The following SLC5A8 variants were observed in gnomAD, a reference collection of about 807,000 sequenced individuals.
SLC5A8 encodes sodium-coupled monocarboxylate transporter 1.
Under a neutral mutation model 71.9 loss-of-function variants are expected in SLC5A8, and 55 were observed. That is an observed-to-expected ratio of 0.77 (90% confidence interval 0.62 to 0.96). The LOEUF (loss-of-function observed/expected upper bound fraction) is 0.96, where lower values mean the gene tolerates loss of function less well. Among genes scored for constraint, SLC5A8 ranks in the 40% least tolerant of loss-of-function variants. The pLI is 0.00. For synonymous variants in SLC5A8, 307 were observed against 276.1 expected (o/e 1.11, Z -1.11); for missense variants, 701 against 745.3 (o/e 0.94, Z 0.69).
chr12:101,204,862 T>C (rs1180080947), intron 1 of SLC5A8, among the ~76,000 whole-genome samples: 1 of 152,176 alleles, frequency 6.6e-6, no homozygotes, highest in African/African-American at 2.4e-5. Context: ...TCAAGCCCTC[T>C]TCTCCCCCGC....
At chr12:101,157,498 C>T (rs1214629875) in intron 14 of SLC5A8, 97 bp from the exon 15 acceptor site, 19 of 1,401,904 alleles carry the variant, frequency 1.4e-5, no homozygotes, top group Non-Finnish European at 1.8e-5. Flanking sequence ...TATTTCTCTG[C>T]ATCAGCTTTC....
rs748123105 is a variant in SLC5A8, at chr12:101,157,276, G to A, written c.*3C>T. On this transcript the variant is annotated 3_prime_UTR_variant, in exon 15 of 15. Coordinates refer to ENST00000536262, the MANE Select transcript of SLC5A8 (RefSeq NM_145913.5). ...TTTAAGGATATCTAGTATCAGAGCAGCTTCACAAACGAGTCCCATTGCTCT... is the reference window on the plus strand; with the variant it reads ...TTTAAGGATATCTAGTATCAGAGCAACTTCACAAACGAGTCCCATTGCTCT... 2 of 1,611,614 alleles carry A rather than the reference G, an allele frequency of 1.2e-6. No homozygotes were observed. The highest frequency in any genetic ancestry group is 8.5e-7 in the Non-Finnish European group (1 of 1,178,924).
chr12:101,180,241 A>G (rs1382477971), intron 9 of SLC5A8, 145 bp from the exon 10 acceptor site: 1 of 807,556 alleles, frequency 1.2e-6, no homozygotes, highest in East Asian at 2.6e-5. Context: ...CAGTGAATAA[A>G]GGAAATGGCT....
At chr12:101,166,751 T>C (rs1305748369) in intron 11 of SLC5A8, 52 bp from the exon 12 acceptor site, 3 of 1,475,050 alleles carry the variant, frequency 2.0e-6, no homozygotes, top group South Asian at 2.7e-5. Flanking sequence ...TGCTTTGATG[T>C]CAAAATTAAT....
intron 1 of SLC5A8, among the ~76,000 whole-genome samples, chr12:101,206,978 T>C (rs2137173871): frequency 1.3e-5 from 2 of 152,354 alleles, no homozygotes; most frequent in Middle Eastern, 3.4e-3. Context: ...GATTTCATAC[T>C]TGAGCAAGAA....
At chr12:101,158,951 CAAAAAAA>C (rs34838052) in intron 13 of SLC5A8, among the ~76,000 whole-genome samples, 4 of 116,666 alleles carry the variant, frequency 3.4e-5, no homozygotes, top group Admixed American at 1.8e-4. Context: ...GTTTTCTTTA[CAAAAAAA>C]AAAAAAAAAA....
intron 12 of SLC5A8, 32 bp downstream of exon 12, chr12:101,166,462 A>G (rs780747080): frequency 1.3e-6 from 2 of 1,565,146 alleles, no homozygotes. Context: ...TAAATTTTTT[A>G]AAGTATAATG....
Position 101,156,563 on chromosome 12 carries a change from A to C in SLC5A8, c.*716T>G, listed in dbSNP as rs1276708502. 6.6e-6 allele frequency: 1 copy of C among 152,216 alleles called. No individual in the cohort carries two copies. The highest frequency in any genetic ancestry group is 1.5e-5 in the Non-Finnish European group (1 of 68,044). The allele number at this position is 152,216 out of a possible 1,614,324, so 9.4% of individuals were successfully genotyped here. A position where few individuals can be genotyped will look rare whatever the true frequency, so the allele number is the denominator to read the frequency against. On this transcript the variant is annotated 3_prime_UTR_variant, in exon 15 of 15. Coordinates refer to ENST00000536262, the MANE Select transcript of SLC5A8 (RefSeq NM_145913.5). ...CAAGTTGATAGGTCAGAAACTGGGC[A>C]TGCAGATAAAAATTACAGTCTAAGA... is the stretch of plus-strand genomic sequence containing the variant.
chr12:101,170,095 C>G (rs1394332680), intron 10 of SLC5A8, among the ~76,000 whole-genome samples: 1 of 152,180 alleles, frequency 6.6e-6, no homozygotes, highest in Non-Finnish European at 1.5e-5. Context: ...AGGGAGAAGT[C>G]TATGCCAAGG....
rs766062522 is a variant in SLC5A8, at chr12:101,157,248, T to C, written c.*31A>G. The C allele has an allele frequency of 1.3e-6, 2 of 1,596,726 alleles. No individual in the cohort carries two copies. Among genetic ancestry groups the C allele is most frequent in the South Asian group, 2.2e-5 (2 of 89,250 alleles). ...TTAGAAAACATATAAAATTGAAACA[T>C]CATTTAAGGATATCTAGTATCAGAG... On this transcript the variant is annotated 3_prime_UTR_variant, in exon 15 of 15. Transcript: ENST00000536262.
At chr12:101,180,243 G>C (rs2051919649) in intron 9 of SLC5A8, 147 bp from the exon 10 acceptor site, 1 of 800,142 alleles carries the variant, frequency 1.2e-6, no homozygotes, top group Non-Finnish European at 2.1e-6. Flanking sequence ...GTGAATAAAG[G>C]AAATGGCTAT....
chr12:101,157,060 AAG>A lies in SLC5A8; in HGVS notation c.*217_*218del, dbSNP rs957852474. The stretch of plus-strand genomic sequence containing the variant: ...ATTATAGCTTCATCGAAATAAAGGA[AAG>A]AGAGGGAAATGTCAATGCCAGAATT... On this transcript the variant is annotated 3_prime_UTR_variant, in exon 15 of 15. Coordinates refer to ENST00000536262, the MANE Select transcript of SLC5A8 (RefSeq NM_145913.5). The A allele has an allele frequency of 2.1e-6, 1 of 482,260 alleles. No individual in the cohort carries two copies. The highest frequency in any genetic ancestry group is 3.6e-5 in the Admixed American group (1 of 28,148). 29.9% of individuals were successfully genotyped at this position (482,260 alleles called of 1,614,324 possible).
Position 101,174,940 on chromosome 12 carries a change from A to G in SLC5A8, c.1233+5089T>C, listed in dbSNP as rs1251639053. Reference sequence around the variant, plus strand: ...AAATTAACTTTTCATAGAAAGAACCAGGAAGATCTCAAACTAAATATAAAG... The same window carrying G: ...AAATTAACTTTTCATAGAAAGAACCGGGAAGATCTCAAACTAAATATAAAG... On this transcript the variant is annotated intron_variant, in intron 10 of 14. Coordinates refer to ENST00000536262, the MANE Select transcript of SLC5A8 (RefSeq NM_145913.5). 3.8e-4 allele frequency among the ~76,000 whole-genome samples: 58 copies of G among 152,248 alleles called. 1 individual carries two copies. The highest frequency in any genetic ancestry group is 3.8e-3 in the Admixed American group (58 of 15,276).
At chr12:101,168,924 T>G (rs749543385) in intron 10 of SLC5A8, among the ~76,000 whole-genome samples, 1 of 152,140 alleles carries the variant, frequency 6.6e-6, no homozygotes, top group Non-Finnish European at 1.5e-5. Flanking sequence ...TAAAGGGGTT[T>G]AATAGAGCAG....
intron 13 of SLC5A8, among the ~76,000 whole-genome samples, chr12:101,160,964 G>A (rs1044367981): frequency 6.6e-6 from 1 of 152,092 alleles, no homozygotes. Context: ...GAACTGAAGG[G>A]CATGGATCTT....
At chr12:101,197,262 C>T (rs895332373) in intron 3 of SLC5A8, among the ~76,000 whole-genome samples, 4 of 152,052 alleles carry the variant, frequency 2.6e-5, no homozygotes, top group African/African-American at 9.7e-5. Context: ...AGCAGTATTC[C>T]ATCTAACTAA....
intron 5 of SLC5A8, among the ~76,000 whole-genome samples, chr12:101,193,125 C>G (rs779985988): frequency 2.6e-5 from 4 of 152,052 alleles, no homozygotes; most frequent in African/African-American, 9.7e-5. Context: ...GTGCCTGCCA[C>G]CACACCTGGC....
chr12:101,203,060 G>A (rs145517684), intron 2 of SLC5A8, among the ~76,000 whole-genome samples: 1 of 152,258 alleles, frequency 6.6e-6, no homozygotes, highest in East Asian at 1.9e-4. Context: ...TTCTGTCCAA[G>A]TTGAAGATTT....
chr12:101,192,642 A>T (rs747522923), intron 5 of SLC5A8, among the ~76,000 whole-genome samples: 3 of 152,238 alleles, frequency 2.0e-5, no homozygotes, highest in Non-Finnish European at 4.4e-5. Context: ...TGCTTAAAAC[A>T]TGTTACATCA....
Sources: gnomAD v4.1 joint callset for allele counts (sites outside exome capture counted in the v4.1 genomes callset) on GRCh38, gnomAD v4.1.1 for gene constraint, MANE v1.5 for transcripts, NCBI Gene and HGNC (gene_info 2026-07-23, HGNC 2026-07-21) for gene names.